PDE4D: variants seen among roughly 807,000 people sequenced by gnomAD.
PDE4D encodes the protein phosphodiesterase 4D.
In PDE4D, 24 loss-of-function variants were observed where a neutral mutation model predicts 87.4. The ratio of observed to expected loss-of-function variants is 0.27; its 90% CI spans 0.20 to 0.39. PDE4D has a LOEUF of 0.39. PDE4D is among the 10% of genes least tolerant of loss of function. PDE4D has a pLI of 1.00. For synonymous variants in PDE4D, 384 were observed against 383.2 expected (o/e 1.00, Z -0.02); for missense variants, 714 against 1,041.0 (o/e 0.69, Z 4.32).
chr5:60,233,917 T>G (rs1746111761), intron 1 of PDE4D, among the ~76,000 whole-genome samples: 1 of 151,836 alleles, frequency 6.6e-6, no homozygotes, highest in African/African-American at 2.4e-5. Flanking sequence ...CTGCATAACT[T>G]CTACATACCA....
rs1030278298 is a variant in PDE4D, at chr5:60,311,136, G to C, written c.-89-125449C>G. ...AGGTTCAAGCAATTCTCCTGCCTCAGCCTCCCCAGGGCCGGGATTACAGGC... is the reference window on the plus strand; with the variant it reads ...AGGTTCAAGCAATTCTCCTGCCTCACCCTCCCCAGGGCCGGGATTACAGGC... On this transcript the variant is annotated intron_variant, in intron 1 of 16. Transcript: ENST00000502484. Among the ~76,000 whole-genome samples, 4 of 151,736 alleles carry C rather than the reference G, an allele frequency of 2.6e-5. No homozygotes were observed. In the South Asian group the frequency reaches 8.3e-4, roughly 31 times the overall value.
At chr5:60,389,880 C>T (rs1204759283) in intron 1 of PDE4D, among the ~76,000 whole-genome samples, 1 of 152,184 alleles carries the variant, frequency 6.6e-6, no homozygotes, top group East Asian at 1.9e-4. Flanking sequence ...ACATAGACCC[C>T]ATTTCTTGAT....
chr5:60,288,607 A>G (rs1752626206), intron 1 of PDE4D, among the ~76,000 whole-genome samples: 1 of 152,192 alleles, frequency 6.6e-6, no homozygotes, highest in Non-Finnish European at 1.5e-5. Flanking sequence ...TATAAAGAAT[A>G]TTTTGTGTAA....
intron 1 of PDE4D, among the ~76,000 whole-genome samples, chr5:59,406,418 T>G (rs1333384620): frequency 9.3e-6 from 1 of 107,302 alleles, no homozygotes; most frequent in Non-Finnish European, 1.9e-5. Flanking sequence ...CCCCATAGAG[T>G]CTTGCTCTGT....
At chr5:60,280,614 G>A (rs1243581666) in intron 1 of PDE4D, among the ~76,000 whole-genome samples, 1 of 152,038 alleles carries the variant, frequency 6.6e-6, no homozygotes. Flanking sequence ...GCTACACTTC[G>A]TGGCCTCAGG....
intron 5 of PDE4D, among the ~76,000 whole-genome samples, chr5:59,113,100 C>A (rs895917743): frequency 1.3e-5 from 2 of 152,148 alleles, no homozygotes; most frequent in African/African-American, 4.8e-5. Flanking sequence ...TTGTTCTCTT[C>A]CTTCCACCTT....
rs758935869 is a variant in PDE4D, at chr5:58,988,550, T to C, written c.1495A>G (p.Ser499Gly). Residue 499 changes from serine to glycine, a missense_variant, in exon 11 of 15, where the codon AGT (serine) becomes GGT (glycine). Physicochemically the swap from Ser to Gly is moderately conservative, Grantham distance 56. Around this residue, in one of 7 missense-constraint regions of PDE4D, gnomAD observed 141 missense variants for 204.3 expected, o/e 0.69. Transcript: ENST00000340635. ...GGATGATCTACATCATGTATTGCACTGGCAAAAATTGCTGCAAGAATCTCC... is the reference window on the plus strand; with the variant it reads ...GGATGATCTACATCATGTATTGCACCGGCAAAAATTGCTGCAAGAATCTCC... ...DLEILAAIFA[S>G]AIHDVDHPGV... 6.0e-6 allele frequency: 9 copies of C among 1,504,914 alleles called. No individual in the cohort carries two copies. The highest frequency in any genetic ancestry group is 1.7e-4 in the Middle Eastern group (1 of 5,808). The allele number at this position is 1,504,914 out of a possible 1,614,324, so 93.2% of individuals were successfully genotyped here. A position where few individuals can be genotyped will look rare whatever the true frequency, so the allele number is the denominator to read the frequency against.
intron 2 of PDE4D, among the ~76,000 whole-genome samples, chr5:60,031,904 G>A (rs542487005): frequency 2.8e-4 from 42 of 152,268 alleles, no homozygotes; most frequent in Non-Finnish European, 4.9e-4. Flanking sequence ...ACAACAGACT[G>A]TCAGTGAAGT....
chr5:59,335,225 T>G (rs546202671), intron 1 of PDE4D, among the ~76,000 whole-genome samples: 1 of 152,202 alleles, frequency 6.6e-6, no homozygotes, highest in African/African-American at 2.4e-5. Context: ...TGGCATAGTA[T>G]AGGTGCTCAA....
intron 5 of PDE4D, among the ~76,000 whole-genome samples, chr5:59,117,365 C>T (rs566502370): frequency 1.9e-4 from 29 of 152,246 alleles, no homozygotes; most frequent in African/African-American, 7.0e-4. Context: ...TTTAATGTAA[C>T]AAAATGTATT....
intron 1 of PDE4D, among the ~76,000 whole-genome samples, chr5:59,302,480 C>A (rs974047082): frequency 6.6e-6 from 1 of 152,030 alleles, no homozygotes; most frequent in African/African-American, 2.4e-5. Flanking sequence ...ACCCATCACC[C>A]AAGCAGTATA....
chr5:59,668,481 T>C (rs1746439892), intron 1 of PDE4D, among the ~76,000 whole-genome samples: 1 of 152,066 alleles, frequency 6.6e-6, no homozygotes, highest in East Asian at 1.9e-4. Flanking sequence ...AGGCCAAGGC[T>C]GGAGGATTGG....
intron 6 of PDE4D, among the ~76,000 whole-genome samples, chr5:59,004,652 C>A (rs150602902): frequency 2.6e-5 from 4 of 152,312 alleles, no homozygotes; most frequent in East Asian, 3.9e-4. Flanking sequence ...AATACTTATA[C>A]GTAAAAAGTA....
chr5:59,319,276 G>T (rs1256017146), intron 1 of PDE4D, among the ~76,000 whole-genome samples: 1 of 151,606 alleles, frequency 6.6e-6, no homozygotes. Context: ...ATAGTTTGAG[G>T]TTGACCCAAA....
intron 1 of PDE4D, among the ~76,000 whole-genome samples, chr5:59,649,932 T>TTTTTTTTTTTTTTTTTTTTTTTTTTTTTA (rs1219411329): frequency 7.1e-6 from 1 of 141,746 alleles, no homozygotes; most frequent in Non-Finnish European, 1.5e-5. Context: ...TTTTTTTTTT[T>TTTTTTTTTTTTTTTTTTTTTTTTTTTTTA]AGCAATGACC....
intron 1 of PDE4D, among the ~76,000 whole-genome samples, chr5:60,356,357 T>C (rs533718177): frequency 6.6e-6 from 1 of 152,352 alleles, no homozygotes; most frequent in East Asian, 1.9e-4. Context: ...AAGTTGTCAA[T>C]GCTTTTCTCC....
intron 1 of PDE4D, among the ~76,000 whole-genome samples, chr5:59,401,250 G>A (rs1394604353): frequency 6.6e-6 from 1 of 152,158 alleles, no homozygotes; most frequent in Non-Finnish European, 1.5e-5. Context: ...TTCAAGACCA[G>A]CCTGGGCAAC....
At chr5:59,337,688 A>T (rs544296740) in intron 1 of PDE4D, among the ~76,000 whole-genome samples, 1 of 152,142 alleles carries the variant, frequency 6.6e-6, no homozygotes, top group Non-Finnish European at 1.5e-5. Context: ...CCATGTGTTG[A>T]TATGTTCTGA....
At chr5:59,148,754 G>GGT (rs3061422) in intron 5 of PDE4D, among the ~76,000 whole-genome samples, 56,825 of 145,306 alleles carry the variant, frequency 0.39, 10,837 homozygotes, top group Non-Finnish European at 0.43. Context: ...AATATATAGC[G>GGT]GTGTGTGTGT....
Sources: gnomAD v4.1 joint callset for allele counts (sites outside exome capture counted in the v4.1 genomes callset) on GRCh38, gnomAD v4.1.1 for gene constraint, gnomAD v4.1.1 regional missense constraint, MANE v1.5 for transcripts, NCBI Gene and HGNC (gene_info 2026-07-23, HGNC 2026-07-21) for gene names.